ROBO2: variants seen among roughly 807,000 people sequenced by gnomAD.
ROBO2 encodes roundabout homolog 2.
In ROBO2, 53 loss-of-function variants were observed where a neutral mutation model predicts 160.8. That is an observed-to-expected ratio of 0.33 (90% CI 0.26 to 0.41). The LOEUF (loss-of-function observed/expected upper bound fraction) is 0.41. ROBO2 is among the 10% of genes least tolerant of loss of function. The pLI, the probability that ROBO2 is intolerant of heterozygous loss-of-function variation, is 1.00. For missense variants in ROBO2, 1,577 were observed against 1,722.4 expected (o/e 0.92, Z 1.49); for synonymous variants, 664 against 611.7 (o/e 1.09, Z -1.26).
At chr3:76,931,878 A>T (rs2077367825) in intron 2 of ROBO2, among the ~76,000 whole-genome samples, 1 of 151,978 alleles carries the variant, frequency 6.6e-6, no homozygotes, top group Non-Finnish European at 1.5e-5. Context: ...ATGGGGTTTC[A>T]TCATGTTGGG....
At chr3:77,024,101 C>G (rs999755355) in intron 2 of ROBO2, among the ~76,000 whole-genome samples, 2 of 152,128 alleles carry the variant, frequency 1.3e-5, no homozygotes, top group Non-Finnish European at 2.9e-5. Flanking sequence ...ATAGAAGAAA[C>G]AGACACATCA....
chr3:76,033,175 T>G (rs1442935783), intron 2 of ROBO2, among the ~76,000 whole-genome samples: 1 of 152,148 alleles, frequency 6.6e-6, no homozygotes, highest in African/African-American at 2.4e-5. Context: ...TATGGTACTT[T>G]TATCATGGTT....
At chr3:77,532,484 T>A (rs1014330576) in intron 6 of ROBO2, among the ~76,000 whole-genome samples, 10 of 151,958 alleles carry the variant, frequency 6.6e-5, no homozygotes. Flanking sequence ...TTCAATAACC[T>A]TTTCTTCTGT....
chr3:77,010,372 T>C (rs2061812374), intron 2 of ROBO2, among the ~76,000 whole-genome samples: 1 of 152,134 alleles, frequency 6.6e-6, no homozygotes, highest in Middle Eastern at 3.2e-3. Flanking sequence ...GTAATCAATT[T>C]AGAAAACACA....
chr3:76,011,132 T>G (rs867949330), intron 2 of ROBO2, among the ~76,000 whole-genome samples: 1 of 152,188 alleles, frequency 6.6e-6, no homozygotes, highest in Non-Finnish European at 1.5e-5. Context: ...TTTCCTACCA[T>G]GTATACTCCC....
chr3:77,128,349 G>C (rs989302211), intron 2 of ROBO2, among the ~76,000 whole-genome samples: 1 of 152,054 alleles, frequency 6.6e-6, no homozygotes, highest in African/African-American at 2.4e-5. Flanking sequence ...AGACCTCTTG[G>C]TTATCAGATC....
At chr3:75,951,806 T>C (rs1337274370) in intron 2 of ROBO2, among the ~76,000 whole-genome samples, 2 of 152,064 alleles carry the variant, frequency 1.3e-5, no homozygotes, top group African/African-American at 4.8e-5. Context: ...ATTCATGCAA[T>C]AAAAATGTCC....
In ROBO2 at chr3:76,300,705, T is replaced by C. The variant is rs181774637; in HGVS notation, c.109+363103T>C. 5.3e-5 allele frequency among the ~76,000 whole-genome samples: 8 copies of C among 152,250 alleles called. No homozygotes were observed. The East Asian group carries it at 1.5e-3, about 29-fold the overall frequency. On this transcript the variant is annotated intron_variant, in intron 2 of 26. Coordinates refer to the ROBO2 transcript ENST00000487694. ...ATTATTTAAAATATTATTTTCAGAC[T>C]ATTTTAAAATAGTTTAAATGATTTA...
chr3:76,094,207 A>C (rs879135319), intron 2 of ROBO2, among the ~76,000 whole-genome samples: 1 of 152,138 alleles, frequency 6.6e-6, no homozygotes, highest in Admixed American at 6.6e-5. Context: ...GAAAGTCTGA[A>C]AGAATTTTTC....
rs538378713 is a variant in ROBO2, at chr3:77,598,460, G to T, written c.2854+1710G>T. On this transcript the variant is annotated intron_variant, in intron 19 of 25. Coordinates refer to ENST00000461745, the Ensembl canonical transcript of ROBO2. ...ATATATATATATATTTATTTATATA[G>T]AATATATATATTTATTTATATAGTG... Among the ~76,000 whole-genome samples, 1,028 of 143,124 alleles carry T rather than the reference G, an allele frequency of 7.2e-3. 8 individuals carry two copies. Among genetic ancestry groups the T allele is most frequent in the Non-Finnish European group, 0.012 (812 of 66,346 alleles). The allele number at this position is 143,124 out of a possible 152,430, so 93.9% of individuals were successfully genotyped here. A position where few individuals can be genotyped will look rare whatever the true frequency, so the allele number is the denominator to read the frequency against.
At chr3:76,896,050 A>C (rs2074745720) in intron 2 of ROBO2, among the ~76,000 whole-genome samples, 1 of 152,146 alleles carries the variant, frequency 6.6e-6, no homozygotes, top group African/African-American at 2.4e-5. Flanking sequence ...TTTACTTGCA[A>C]TATTACTGCC....
At chr3:76,795,056 C>T (rs1268025446) in intron 2 of ROBO2, among the ~76,000 whole-genome samples, 1 of 152,002 alleles carries the variant, frequency 6.6e-6, no homozygotes, top group African/African-American at 2.4e-5. Context: ...TTTATATATA[C>T]TGTAGACAAT....
At chr3:76,303,459 A>G (rs1028231503) in intron 2 of ROBO2, among the ~76,000 whole-genome samples, 1 of 152,118 alleles carries the variant, frequency 6.6e-6, no homozygotes, top group Non-Finnish European at 1.5e-5. Context: ...AGTGCAGTGC[A>G]TTTCAGAGGT....
chr3:77,191,704 A>C (rs2081870507), intron 2 of ROBO2, among the ~76,000 whole-genome samples: 1 of 152,202 alleles, frequency 6.6e-6, no homozygotes, highest in South Asian at 2.1e-4. Context: ...GCCTCTGAGG[A>C]CCTGAGAACT....
chr3:76,863,027 C>G (rs529940357), intron 2 of ROBO2, among the ~76,000 whole-genome samples: 1 of 152,072 alleles, frequency 6.6e-6, no homozygotes, highest in African/African-American at 2.4e-5. Flanking sequence ...ATTAACTTAT[C>G]AGCTAAAAAT....
intron 2 of ROBO2, among the ~76,000 whole-genome samples, chr3:76,476,160 C>T (rs1337273966): frequency 1.3e-5 from 2 of 152,032 alleles, no homozygotes; most frequent in Non-Finnish European, 2.9e-5. Flanking sequence ...CTCAAACAAA[C>T]AAAAAAACCC....
In ROBO2 at chr3:75,983,594, T is replaced by A. The variant is rs979280405; in HGVS notation, c.109+45992T>A. Among the ~76,000 whole-genome samples, 4 of 151,402 alleles carry A rather than the reference T, an allele frequency of 2.6e-5. No homozygotes were observed. The Admixed American group carries it at 2.6e-4, about 10-fold the overall frequency. ...AAAAACTGAATTGTGCCCCTTACAT[T>A]GCCAGTTTCAGGATAAATAATAAAC... On this transcript the variant is annotated intron_variant, in intron 2 of 26. Coordinates refer to the ROBO2 transcript ENST00000487694.
chr3:76,007,559 C>G (rs1243306567), intron 2 of ROBO2, among the ~76,000 whole-genome samples: 1 of 151,976 alleles, frequency 6.6e-6, no homozygotes, highest in Admixed American at 6.6e-5. Flanking sequence ...TTTCATGCAT[C>G]TGGAGATTAA....
At chr3:76,109,567 C>T (rs1039019349) in intron 2 of ROBO2, among the ~76,000 whole-genome samples, 1 of 152,032 alleles carries the variant, frequency 6.6e-6, no homozygotes, top group Non-Finnish European at 1.5e-5. Context: ...GTTGACTGTG[C>T]CTCCTGCTTT....
Sources: allele counts gnomAD v4.1 joint callset (sites outside exome capture counted in the v4.1 genomes callset), GRCh38; gene constraint gnomAD v4.1.1; transcripts MANE v1.5; gene names NCBI Gene and HGNC (gene_info 2026-07-23, HGNC 2026-07-21).